Variants in ZNF385D observed in about 807,000 individuals in gnomAD.
ZNF385D encodes zinc finger protein 659.
In ZNF385D, 15 loss-of-function variants were observed where a neutral mutation model predicts 35.8. The ratio of observed to expected loss-of-function variants is 0.42; its 90% confidence interval spans 0.28 to 0.64. The LOEUF (loss-of-function observed/expected upper bound fraction) is 0.64, where lower values mean the gene tolerates loss of function less well. Among genes scored for constraint, ZNF385D ranks in the 30% least tolerant of loss-of-function variants. The pLI is 0.23. For synonymous variants in ZNF385D, 212 were observed against 186.8 expected (o/e 1.13, Z -1.10); for missense variants, 474 against 494.6 (o/e 0.96, Z 0.39).
At chr3:22,232,327 T>C (rs1465778067) in intron 2 of ZNF385D, among the ~76,000 whole-genome samples, 1 of 152,164 alleles carries the variant, frequency 6.6e-6, no homozygotes, top group Non-Finnish European at 1.5e-5. Context: ...ACACCTTTTT[T>C]TTTTTTCAAA....
intron 2 of ZNF385D, among the ~76,000 whole-genome samples, chr3:22,297,835 A>T (rs1702673882): frequency 6.6e-6 from 1 of 152,130 alleles, no homozygotes; most frequent in African/African-American, 2.4e-5. Flanking sequence ...AGCAAATGAT[A>T]TTGGGTTACA....
At chr3:21,942,014 TTC>T (rs1701545986) in intron 3 of ZNF385D, among the ~76,000 whole-genome samples, 2 of 152,308 alleles carry the variant, frequency 1.3e-5, no homozygotes, top group South Asian at 4.1e-4. Flanking sequence ...CCTGGAACTT[TTC>T]TCTTTTATAA....
chr3:21,464,347 G>GGTTCT, intron 4 of ZNF385D, among the ~76,000 whole-genome samples: 1 of 152,098 alleles, frequency 6.6e-6, no homozygotes, highest in Non-Finnish European at 1.5e-5. Context: ...GTTCTAAATT[G>GGTTCT]AAATAAATAA....
At chr3:22,093,373 G>A (rs1450321675) in intron 3 of ZNF385D, among the ~76,000 whole-genome samples, 1 of 151,406 alleles carries the variant, frequency 6.6e-6, no homozygotes, top group African/African-American at 2.4e-5. Flanking sequence ...ATAAAATATA[G>A]TTATAATTTA....
intron 2 of ZNF385D, among the ~76,000 whole-genome samples, chr3:22,225,106 T>G (rs920492248): frequency 3.3e-5 from 5 of 152,224 alleles, no homozygotes; most frequent in African/African-American, 1.2e-4. Context: ...GTCACACTTT[T>G]ACACAAAATT....
At chr3:21,903,806 C>G (rs1418738776) in intron 3 of ZNF385D, among the ~76,000 whole-genome samples, 1 of 152,072 alleles carries the variant, frequency 6.6e-6, no homozygotes, top group African/African-American at 2.4e-5. Flanking sequence ...TTTGTGCAGT[C>G]ATGAGCAGAA....
At chr3:21,451,624 C>A (rs1219899997) in intron 4 of ZNF385D, among the ~76,000 whole-genome samples, 2 of 151,986 alleles carry the variant, frequency 1.3e-5, no homozygotes, top group Admixed American at 1.3e-4. Context: ...CAAAGGCAAA[C>A]ATAAATAATT....
chr3:21,947,486 G>A (rs1032723338), intron 3 of ZNF385D, among the ~76,000 whole-genome samples: 8 of 152,172 alleles, frequency 5.3e-5, no homozygotes, highest in African/African-American at 1.9e-4. Context: ...GAGTCGCTGG[G>A]ATTACAGGTG....
intron 3 of ZNF385D, among the ~76,000 whole-genome samples, chr3:22,086,484 A>G (rs1181755203): frequency 1.3e-5 from 2 of 152,170 alleles, no homozygotes; most frequent in African/African-American, 4.8e-5. Context: ...TAGGAATCCA[A>G]CTTATAAGGG....
rs1279993791 is a variant in ZNF385D, at chr3:21,417,209, G to A, written c.*4005C>T. ...GAATAAAGAATTTTTATTCCTGAGAGGATAAAAGCAATGCCCCTCTAGTGC... is the reference window on the plus strand; with the variant it reads ...GAATAAAGAATTTTTATTCCTGAGAAGATAAAAGCAATGCCCCTCTAGTGC... On this transcript the variant is annotated 3_prime_UTR_variant, in exon 8 of 8. Coordinates refer to ENST00000281523, the MANE Select transcript of ZNF385D (RefSeq NM_024697.3). 6.6e-6 allele frequency: 1 copy of A among 152,044 alleles called. No individual in the cohort carries two copies. The highest frequency in any genetic ancestry group is 1.9e-4 in the East Asian group (1 of 5,194). 9.4% of individuals were successfully genotyped at this position (152,044 alleles called of 1,614,324 possible).
intron 3 of ZNF385D, among the ~76,000 whole-genome samples, chr3:22,077,831 T>C (rs1700542631): frequency 6.6e-6 from 1 of 151,892 alleles, no homozygotes; most frequent in African/African-American, 2.4e-5. Context: ...ATAGGTGTGT[T>C]AGTGATAGGT....
chr3:21,907,487 T>A (rs1699740104), intron 3 of ZNF385D, among the ~76,000 whole-genome samples: 1 of 152,146 alleles, frequency 6.6e-6, no homozygotes, highest in South Asian at 2.1e-4. Context: ...CCAATGCTTG[T>A]GTGAATAAGT....
At chr3:21,590,384 A>C (rs1423669334) in intron 2 of ZNF385D, among the ~76,000 whole-genome samples, 1 of 152,138 alleles carries the variant, frequency 6.6e-6, no homozygotes, top group Non-Finnish European at 1.5e-5. Context: ...ATAATGTTTA[A>C]TTTTTTAAGT....
At chr3:21,947,780 A>T (rs945388394) in intron 3 of ZNF385D, among the ~76,000 whole-genome samples, 26 of 151,982 alleles carry the variant, frequency 1.7e-4, no homozygotes, top group African/African-American at 6.0e-4. Context: ...CAATTTTTTA[A>T]ATTTATGGTT....
At chr3:22,083,308 C>T (rs1161206009) in intron 3 of ZNF385D, among the ~76,000 whole-genome samples, 1 of 152,142 alleles carries the variant, frequency 6.6e-6, no homozygotes, top group Non-Finnish European at 1.5e-5. Context: ...GATGTTCGAA[C>T]CCATCGCAAG....
intron 2 of ZNF385D, among the ~76,000 whole-genome samples, chr3:22,370,506 G>A (rs1696854027): frequency 6.6e-6 from 1 of 152,144 alleles, no homozygotes; most frequent in Non-Finnish European, 1.5e-5. Context: ...ACCTGAAATG[G>A]TTGGGTATGA....
intron 3 of ZNF385D, among the ~76,000 whole-genome samples, chr3:22,096,715 T>C (rs372340199): frequency 6.6e-6 from 1 of 152,068 alleles, no homozygotes; most frequent in Non-Finnish European, 1.5e-5. Context: ...ATTTCTATCA[T>C]TCCCCACGCT....
chr3:21,585,899 T>C (rs2063794542), intron 2 of ZNF385D, among the ~76,000 whole-genome samples: 1 of 152,150 alleles, frequency 6.6e-6, no homozygotes, highest in Non-Finnish European at 1.5e-5. Context: ...CCTGGCGCAG[T>C]AGCTCATGTC....
intron 3 of ZNF385D, among the ~76,000 whole-genome samples, chr3:21,914,862 T>C (rs1005530725): frequency 6.6e-5 from 10 of 151,752 alleles, no homozygotes; most frequent in African/African-American, 2.4e-4. Context: ...AATGTTGTGG[T>C]AAATTACTTT....
Sources: allele counts gnomAD v4.1 joint callset (sites outside exome capture counted in the v4.1 genomes callset), GRCh38; gene constraint gnomAD v4.1.1; transcripts MANE v1.5; gene names NCBI Gene and HGNC (gene_info 2026-07-23, HGNC 2026-07-21).